ZNF695: variants seen among roughly 807,000 people sequenced by gnomAD.
The protein encoded by ZNF695 is zinc finger protein SBZF3.
A neutral mutation model predicts 11.2 loss-of-function variants in ZNF695; 11 were observed. That is an observed-to-expected ratio of 0.98 (90% CI 0.62 to 1.62). The LOEUF (loss-of-function observed/expected upper bound fraction) is 1.62, where lower values mean the gene tolerates loss of function less well. Among genes scored for constraint, ZNF695 ranks in the 40% most tolerant of loss-of-function variants. ZNF695 has a pLI of 0.00. For synonymous variants in ZNF695, 190 were observed against 201.4 expected, an observed-to-expected ratio of 0.94 and a Z score of 0.48; for missense variants, 559 against 590.5, an observed-to-expected ratio of 0.95 and a Z score of 0.55.
Position 246,987,011 on chromosome 1 carries a change from T to TA in ZNF695, c.1503dup (p.Asn502Ter), listed in dbSNP as rs1668870194. 6 of 1,608,756 alleles carry TA rather than the reference T, an allele frequency of 3.7e-6. No homozygotes were observed. The highest frequency in any genetic ancestry group is 5.1e-6 in the Non-Finnish European group (6 of 1,178,112). On this transcript the variant is annotated frameshift_variant, in exon 4 of 4. Coordinates refer to ENST00000339986, the MANE Select transcript of ZNF695 (RefSeq NM_020394.5). LOFTEE classifies it low-confidence loss of function (END_TRUNC). The stretch of plus-strand genomic sequence containing the variant: ...TGTACAGCAAGTTGTGCAGAGTGGT[T>TA]AAAGGCTTTGCCACATTCCTCACAC...
At chr1:246,953,873 C>T (rs12144052) in intron 5 of ZNF695, among the ~76,000 whole-genome samples, 1 of 150,748 alleles carries the variant, frequency 6.6e-6, no homozygotes, top group African/African-American at 2.4e-5. Flanking sequence ...TTGCAGTGAG[C>T]TGAGATCACG....
At chr1:246,972,395 A>C (rs1668449800) in intron 4 of ZNF695, among the ~76,000 whole-genome samples, 1 of 152,106 alleles carries the variant, frequency 6.6e-6, no homozygotes, top group African/African-American at 2.4e-5. Flanking sequence ...GGGAGCTTTT[A>C]AGTTTCTGCG....
intron 1 of ZNF695, 60 bp from the exon 2 acceptor site, chr1:247,000,134 C>A (rs1008441896): frequency 2.8e-6 from 4 of 1,435,346 alleles, no homozygotes; most frequent in Non-Finnish European, 3.8e-6. Flanking sequence ...TGACTACAGG[C>A]AAGGAGAGAC....
chr1:246,955,022 C>A lies in ZNF695; in HGVS notation c.489-9195G>T, dbSNP rs181953107. Among the ~76,000 whole-genome samples, 11 of 152,108 alleles carry A rather than the reference C, an allele frequency of 7.2e-5. No homozygotes were observed. The East Asian group carries it at 2.1e-3, about 29-fold the overall frequency. On this transcript the variant is annotated intron_variant, in intron 5 of 5. Transcript: ENST00000487338. ...TAATCCCCACGTGTCATGGGAGGGA[C>A]CTGGTGGGAGGTAATTGAATCATAG...
At chr1:246,959,088 C>T (rs182718524) in intron 5 of ZNF695, among the ~76,000 whole-genome samples, 1 of 151,058 alleles carries the variant, frequency 6.6e-6, no homozygotes, top group Admixed American at 6.6e-5. Context: ...GAGTTTCAGA[C>T]AAGCCTGGGC....
chr1:246,965,838 C>G (rs1260719511), intron 5 of ZNF695, among the ~76,000 whole-genome samples: 4 of 152,182 alleles, frequency 2.6e-5, no homozygotes, highest in African/African-American at 9.6e-5. Flanking sequence ...CCTTGGACTT[C>G]TCAGCCTCCA....
chr1:246,945,936 G>A, intron 5 of ZNF695: 1 of 1,368,650 alleles, frequency 7.3e-7, no homozygotes, highest in Non-Finnish European at 1.0e-6. Context: ...GGTTCCATTG[G>A]AGAAGTCTGT....
chr1:246,970,598 A>G (rs1427396264), intron 4 of ZNF695, among the ~76,000 whole-genome samples: 3 of 152,246 alleles, frequency 2.0e-5, no homozygotes, highest in African/African-American at 7.2e-5. Flanking sequence ...CAAGCCTGGC[A>G]AGGAACAATT....
chr1:246,974,151 AAC>A (rs200559572), intron 4 of ZNF695, among the ~76,000 whole-genome samples: 21 of 123,636 alleles, frequency 1.7e-4, no homozygotes, highest in East Asian at 1.2e-3. Context: ...ATAAAAAACA[AAC>A]AAACAAACAA....
chr1:247,005,663 T>TCAAAA (rs968109711), intron 1 of ZNF695, among the ~76,000 whole-genome samples: 18 of 151,212 alleles, frequency 1.2e-4, no homozygotes, highest in African/African-American at 3.6e-4. Context: ...TGAGACTGTC[T>TCAAAA]CAAAACAAAA....
chr1:246,946,350 T>C (rs186954681), intron 5 of ZNF695, among the ~76,000 whole-genome samples: 2 of 152,348 alleles, frequency 1.3e-5, no homozygotes, highest in Non-Finnish European at 2.9e-5. Context: ...GTTCTTGCCT[T>C]GCCACTTTTC....
chr1:246,962,667 T>C (rs1668190397), intron 5 of ZNF695, among the ~76,000 whole-genome samples: 1 of 151,964 alleles, frequency 6.6e-6, no homozygotes, highest in South Asian at 2.1e-4. Flanking sequence ...ATCACCTCTC[T>C]GACCCCCTTC....
intron 2 of ZNF695, 30 bp downstream of exon 2, chr1:246,999,882 T>C: frequency 1.2e-6 from 2 of 1,608,666 alleles, no homozygotes; most frequent in Non-Finnish European, 1.7e-6. Context: ...CCAGAAAACA[T>C]TCTACAAAGG....
At position 247,007,078 on chromosome 1, in the gene ZNF695, C is replaced by T. The variant is rs545809834; in HGVS notation, c.3+828G>A. Among the ~76,000 whole-genome samples the T allele has an allele frequency of 1.4e-3, 207 of 152,296 alleles. 1 individual carries two copies. The highest frequency in any genetic ancestry group is 4.7e-3 in the African/African-American group (197 of 41,570). On this transcript the variant is annotated intron_variant, in intron 1 of 3. Coordinates refer to ENST00000339986, the MANE Select transcript of ZNF695 (RefSeq NM_020394.5). Reference sequence around the variant, plus strand: ...GATCAATTATTAAACGTGGTTGCTTCCTCGTGCACCTTATGAAGACCTTCC... The same window carrying T: ...GATCAATTATTAAACGTGGTTGCTTTCTCGTGCACCTTATGAAGACCTTCC...
chr1:246,976,431 A>T (rs1283775256), intron 4 of ZNF695, among the ~76,000 whole-genome samples: 2 of 152,248 alleles, frequency 1.3e-5, no homozygotes, highest in Admixed American at 1.3e-4. Context: ...AAGACATAAG[A>T]CATTCTATTT....
chr1:246,958,381 A>G (rs542698864), intron 5 of ZNF695, among the ~76,000 whole-genome samples: 1 of 152,256 alleles, frequency 6.6e-6, no homozygotes, highest in African/African-American at 2.4e-5. Context: ...TGATTGCCCC[A>G]GTATTGAAGT....
intron 5 of ZNF695, among the ~76,000 whole-genome samples, chr1:246,953,472 G>A (rs763990163): frequency 1.3e-5 from 2 of 152,166 alleles, no homozygotes; most frequent in South Asian, 2.1e-4. Context: ...TTAGCCAGGC[G>A]TGGTGGCACA....
At chr1:247,005,092 AT>A (rs546222636) in intron 1 of ZNF695, among the ~76,000 whole-genome samples, 1 of 152,134 alleles carries the variant, frequency 6.6e-6, no homozygotes, top group African/African-American at 2.4e-5. Flanking sequence ...TAAGCCTAAA[AT>A]TTTTTTGGAA....
chr1:246,954,045 G>T (rs1667933585), intron 5 of ZNF695, among the ~76,000 whole-genome samples: 1 of 151,810 alleles, frequency 6.6e-6, no homozygotes, highest in South Asian at 2.1e-4. Context: ...TGCCCTAGAG[G>T]ATAGCCATTC....
Sources: gnomAD v4.1 joint callset for allele counts (sites outside exome capture counted in the v4.1 genomes callset) on GRCh38, gnomAD v4.1.1 for gene constraint, MANE v1.5 for transcripts, NCBI Gene and HGNC (gene_info 2026-07-23, HGNC 2026-07-21) for gene names.